Variants in NR6A1 observed in about 807,000 individuals in gnomAD.
The protein encoded by NR6A1 is retinoic acid receptor-related testis-associated receptor.
A neutral mutation model predicts 59.1 loss-of-function variants in NR6A1; 7 were observed. The ratio of observed to expected loss-of-function variants is 0.12; its 90% confidence interval spans 0.07 to 0.22. The LOEUF is 0.22. Among genes scored for constraint, NR6A1 ranks in the 10% least tolerant of loss-of-function variants. The pLI, the probability that NR6A1 is intolerant of heterozygous loss-of-function variation, is 1.00. For synonymous variants in NR6A1, 243 were observed against 236.1 expected, an observed-to-expected ratio of 1.03 and a Z score of -0.27; for missense variants, 468 against 611.6, an observed-to-expected ratio of 0.77 and a Z score of 2.48.
At chr9:124,629,079 C>T (rs1472721820) in intron 2 of NR6A1, among the ~76,000 whole-genome samples, 1 of 152,228 alleles carries the variant, frequency 6.6e-6, no homozygotes. Flanking sequence ...CTCCCTTTTA[C>T]CATCTCAGAT....
Position 124,518,204 on chromosome 9 carries a change from G to A in NR6A1, c.*4501C>T, listed in dbSNP as rs1832729154. On this transcript the variant is annotated 3_prime_UTR_variant, in exon 10 of 10. Transcript: ENST00000487099. ...TGGTCCATTTAGGGCTTCAGGCCCAGAAGACGGATGCTAGATGGGAACTGG... is the reference window on the plus strand; with the variant it reads ...TGGTCCATTTAGGGCTTCAGGCCCAAAAGACGGATGCTAGATGGGAACTGG... 6.8e-6 allele frequency: 1 copy of A among 146,948 alleles called. No homozygotes were observed. The highest frequency in any genetic ancestry group is 2.0e-4 in the East Asian group (1 of 5,008). The allele number at this position is 146,948 out of a possible 1,614,324, so 9.1% of individuals were successfully genotyped here. A position where few individuals can be genotyped will look rare whatever the true frequency, so the allele number is the denominator to read the frequency against.
intron 2 of NR6A1, among the ~76,000 whole-genome samples, chr9:124,666,099 C>G (rs1240140600): frequency 6.6e-6 from 1 of 152,050 alleles, no homozygotes; most frequent in Non-Finnish European, 1.5e-5. Context: ...CTAGTAGACT[C>G]AATATCATGT....
chr9:124,752,422 G>C (rs1840529149), intron 1 of NR6A1, among the ~76,000 whole-genome samples: 1 of 151,774 alleles, frequency 6.6e-6, no homozygotes, highest in African/African-American at 2.4e-5. Context: ...CTTCAATTAT[G>C]GTAAAGTTAC....
At chr9:124,641,300 C>T (rs573094906) in intron 2 of NR6A1, among the ~76,000 whole-genome samples, 14 of 145,702 alleles carry the variant, frequency 9.6e-5, no homozygotes, top group South Asian at 6.5e-4. Flanking sequence ...CAGAGGTTGC[C>T]GTGAGCCGAG....
intron 2 of NR6A1, among the ~76,000 whole-genome samples, chr9:124,696,991 T>C (rs1261493189): frequency 6.6e-6 from 1 of 152,170 alleles, no homozygotes; most frequent in Non-Finnish European, 1.5e-5. Context: ...ATTGTGGCCA[T>C]CTTTCCATAT....
Position 124,553,477 on chromosome 9 carries a change from A to ACAT in NR6A1, c.385+848_385+850dup, listed in dbSNP as rs543630350. ...CTCAAACTCAGTATTGCCAAGGCCA[A>ACAT]CATTTTGCCCCACCCTTTTTCTTTT... On this transcript the variant is annotated intron_variant, in intron 3 of 9. Transcript: ENST00000487099. Among the ~76,000 whole-genome samples the ACAT allele has an allele frequency of 6.6e-5, 10 of 150,656 alleles. No individual in the cohort carries two copies. In the South Asian group the frequency reaches 2.1e-3, roughly 32 times the overall value.
intron 2 of NR6A1, among the ~76,000 whole-genome samples, chr9:124,680,634 G>C (rs1415003805): frequency 1.3e-5 from 2 of 152,070 alleles, no homozygotes; most frequent in African/African-American, 4.8e-5. Flanking sequence ...AATAATACAC[G>C]GTTTGTCTCC....
intron 2 of NR6A1, among the ~76,000 whole-genome samples, chr9:124,700,502 T>G (rs1441212360): frequency 2.0e-5 from 3 of 152,186 alleles, no homozygotes; most frequent in Non-Finnish European, 2.9e-5. Flanking sequence ...ATTACAGACA[T>G]GAGCCACCAC....
intron 2 of NR6A1, among the ~76,000 whole-genome samples, chr9:124,731,712 C>T (rs528277758): frequency 1.3e-5 from 2 of 152,294 alleles, no homozygotes; most frequent in African/African-American, 4.8e-5. Context: ...TATATTTTGT[C>T]TTCCTTATGA....
chr9:124,716,946 T>C (rs1839429859), intron 2 of NR6A1, among the ~76,000 whole-genome samples: 2 of 152,202 alleles, frequency 1.3e-5, no homozygotes, highest in Non-Finnish European at 2.9e-5. Context: ...CACATGAATT[T>C]ACCAAAAGAT....
chr9:124,523,140 CAGGT>C (rs960587474), intron 9 of NR6A1, among the ~76,000 whole-genome samples: 1 of 152,114 alleles, frequency 6.6e-6, no homozygotes, highest in Non-Finnish European at 1.5e-5. Context: ...CTGAAACTGA[CAGGT>C]AGTCCAAAAA....
At chr9:124,718,972 G>A (rs766871371) in intron 2 of NR6A1, among the ~76,000 whole-genome samples, 11 of 151,124 alleles carry the variant, frequency 7.3e-5, no homozygotes, top group African/African-American at 1.2e-4. Context: ...GCACCAGCAC[G>A]CCTGGTTATC....
chr9:124,548,575 C>A (rs1018762031), intron 3 of NR6A1, among the ~76,000 whole-genome samples: 8 of 152,162 alleles, frequency 5.3e-5, no homozygotes, highest in African/African-American at 1.7e-4. Flanking sequence ...ACTTTGATTT[C>A]TTTAAGATTC....
intron 2 of NR6A1, among the ~76,000 whole-genome samples, chr9:124,693,057 T>C (rs924839482): frequency 1.3e-5 from 2 of 152,216 alleles, no homozygotes; most frequent in Non-Finnish European, 2.9e-5. Flanking sequence ...GAGCATGAGC[T>C]ATTGCCTTAC....
At chr9:124,698,152 T>G (rs1009947326) in intron 2 of NR6A1, 1 of 152,208 alleles carries the variant, frequency 6.6e-6, no homozygotes, top group Admixed American at 6.5e-5. Flanking sequence ...CTCTTATAGA[T>G]CTTCCAAGTA....
intron 2 of NR6A1, among the ~76,000 whole-genome samples, chr9:124,679,664 TG>T (rs1455483876): frequency 6.6e-6 from 1 of 151,740 alleles, no homozygotes; most frequent in African/African-American, 2.4e-5. Context: ...GCCAAGGCAG[TG>T]GATCACTTGA....
intron 1 of NR6A1, among the ~76,000 whole-genome samples, chr9:124,745,935 C>A (rs1265701875): frequency 6.7e-6 from 1 of 149,006 alleles, no homozygotes; most frequent in Non-Finnish European, 1.5e-5. Context: ...TTGCAGTAAG[C>A]CAAGATCGCG....
chr9:124,663,755 T>C (rs1350521770), intron 2 of NR6A1, among the ~76,000 whole-genome samples: 1 of 152,160 alleles, frequency 6.6e-6, no homozygotes, highest in Non-Finnish European at 1.5e-5. Context: ...ATGTAAAAAC[T>C]GTCAACACTG....
At chr9:124,556,424 C>T (rs12339980) in intron 2 of NR6A1, among the ~76,000 whole-genome samples, 73,076 of 151,634 alleles carry the variant, frequency 0.48, 17,793 homozygotes, top group Admixed American at 0.59. Context: ...AGGAGTGTGG[C>T]TCTGCAAACA....
Sources: allele counts gnomAD v4.1 joint callset (sites outside exome capture counted in the v4.1 genomes callset), GRCh38; gene constraint gnomAD v4.1.1; transcripts MANE v1.5; gene names NCBI Gene and HGNC (gene_info 2026-07-23, HGNC 2026-07-21).